SYTL2: variants seen among roughly 807,000 people sequenced by gnomAD.
The protein encoded by SYTL2 is synaptotagmin like 2.
SYTL2 carries 165 observed loss-of-function variants against 198.7 expected under a neutral mutation model. That is an observed-to-expected ratio of 0.83 (90% CI 0.73 to 0.94). SYTL2 has a LOEUF of 0.94. SYTL2 is among the 40% of genes least tolerant of loss of function. The pLI, the probability that SYTL2 is intolerant of heterozygous loss-of-function variation, is 0.00. For synonymous variants in SYTL2, 966 were observed against 917.7 expected, an observed-to-expected ratio of 1.05 and a Z score of -0.95; for missense variants, 2,835 against 2,582.8, an observed-to-expected ratio of 1.10 and a Z score of -2.12.
chr11:85,706,374 C>T (rs2085146891), intron 15 of SYTL2, among the ~76,000 whole-genome samples: 1 of 152,130 alleles, frequency 6.6e-6, no homozygotes, highest in African/African-American at 2.4e-5. Context: ...ATGGAACTTA[C>T]AATTTAGTGG....
intron 1 of SYTL2, among the ~76,000 whole-genome samples, chr11:85,762,917 T>C (rs1226797773): frequency 6.6e-6 from 1 of 151,898 alleles, no homozygotes; most frequent in Non-Finnish European, 1.5e-5. Flanking sequence ...CTCTTGCCAC[T>C]GTCTTGCATC....
rs2089203540 is a variant in SYTL2 at position 85,726,549 on chromosome 11, C to A, written c.2809G>T (p.Val937Phe). The A allele has an allele frequency of 6.3e-7, 1 of 1,598,720 alleles. No individual in the cohort carries two copies. The highest frequency in any genetic ancestry group is 1.3e-5 in the African/African-American group (1 of 74,876). ...AATGGAGCATGTCGTTCACTCCCGA[C>A]ATTTGAGGGAGGTTGCAGTGCTGGT... ...TLPALQPPSN[V>F]GSERHAPLEK... is the part of the protein sequence containing the mutation. Residue 937 changes from valine (V) to phenylalanine (F), a missense_variant, in exon 8 of 20, where the codon GTC (valine) becomes TTC (phenylalanine). Val to Phe is a conservative substitution (Grantham distance 50). Coordinates refer to ENST00000359152, the MANE Select transcript of SYTL2 (RefSeq NM_206927.4).
At chr11:85,788,226 A>G (rs1362644327) in intron 1 of SYTL2, among the ~76,000 whole-genome samples, 1 of 152,184 alleles carries the variant, frequency 6.6e-6, no homozygotes, top group Admixed American at 6.5e-5. Context: ...GACTTTTTCT[A>G]AGGTAATAAT....
At chr11:85,759,722 T>C (rs563137907) in intron 1 of SYTL2, among the ~76,000 whole-genome samples, 55 of 152,272 alleles carry the variant, frequency 3.6e-4, no homozygotes, top group Non-Finnish European at 6.2e-4. Flanking sequence ...TCTAGCTCTC[T>C]GCATACTGTC....
chr11:85,734,608 T>A lies in SYTL2; in HGVS notation c.721A>T (p.Met241Leu). The change falls in exon 7 of 20, where the codon ATG becomes TTG. Residue 241 changes from methionine (M) to leucine (L), a missense_variant. Coordinates refer to ENST00000359152, the MANE Select transcript of SYTL2 (RefSeq NM_206927.4). Reference protein sequence around the residue: ...IKAPIPKARKMIYKSTDLNKD... With the variant: ...IKAPIPKARKLIYKSTDLNKD... ...TTTAAATCAGTTGATTTGTAGATCATCTTCCTGGCTTTGGGGATTGGAGCC... is the reference window on the plus strand; with the variant it reads ...TTTAAATCAGTTGATTTGTAGATCAACTTCCTGGCTTTGGGGATTGGAGCC... 6.2e-7 allele frequency: 1 copy of A among 1,614,210 alleles called. No homozygotes were observed. The highest frequency in any genetic ancestry group is 8.5e-7 in the Non-Finnish European group (1 of 1,180,022).
chr11:85,708,830 C>A (rs2085690043), intron 14 of SYTL2, among the ~76,000 whole-genome samples: 1 of 136,628 alleles, frequency 7.3e-6, no homozygotes. Context: ...TTTTGTGCTT[C>A]TCTGTGATTT....
At chr11:85,789,379 T>C (rs1592038419) in intron 1 of SYTL2, among the ~76,000 whole-genome samples, 2 of 66,284 alleles carry the variant, frequency 3.0e-5, no homozygotes, top group South Asian at 1.0e-3. Context: ...TATATATATG[T>C]ATATATATAT....
chr11:85,721,071 C>G lies in SYTL2; in HGVS notation c.5327-112G>C. On this transcript the variant is annotated intron_variant, in intron 8 of 19. Coordinates refer to ENST00000359152, the MANE Select transcript of SYTL2 (RefSeq NM_206927.4). ...AAAAGAGACATTATGCTATGAGTTT[C>G]TACTTTAAGAAGCACTTATTTCACA... The G allele has an allele frequency of 6.3e-6, 4 of 632,028 alleles. No homozygotes were observed. In the East Asian group the frequency reaches 1.1e-4, roughly 18 times the overall value. 39.2% of individuals were successfully genotyped at this position (632,028 alleles called of 1,614,324 possible).
chr11:85,784,177 A>G (rs1334434711), intron 1 of SYTL2, among the ~76,000 whole-genome samples: 1 of 152,196 alleles, frequency 6.6e-6, no homozygotes, highest in East Asian at 1.9e-4. Flanking sequence ...AGACCCTGAC[A>G]GAGGAGAAAA....
intron 4 of SYTL2, 26 bp from the exon 5 acceptor site, chr11:85,737,682 A>C (rs1364063940): frequency 6.3e-7 from 1 of 1,585,530 alleles, no homozygotes; most frequent in Non-Finnish European, 8.7e-7. Context: ...TAATTCAGAG[A>C]ATAAAACCTC....
chr11:85,738,087 A>G (rs2090497667), intron 4 of SYTL2, among the ~76,000 whole-genome samples: 1 of 152,076 alleles, frequency 6.6e-6, no homozygotes, highest in Admixed American at 6.6e-5. Context: ...GAGCTTGGAA[A>G]ACACCTTAGT....
At chr11:85,774,872 T>A (rs2092424178) in intron 1 of SYTL2, among the ~76,000 whole-genome samples, 1 of 152,182 alleles carries the variant, frequency 6.6e-6, no homozygotes, top group South Asian at 2.1e-4. Context: ...CAGTTGAAGA[T>A]CTGGGTTCTG....
the SYTL2 span, among the ~76,000 whole-genome samples, chr11:85,850,920 G>GC: frequency 6.8e-6 from 1 of 147,462 alleles, no homozygotes; most frequent in Non-Finnish European, 1.5e-5. Flanking sequence ...GTAAACTATC[G>GC]CAAGAACAAA....
At chr11:85,750,510 C>T (rs1198441447) in intron 2 of SYTL2, among the ~76,000 whole-genome samples, 1 of 152,150 alleles carries the variant, frequency 6.6e-6, no homozygotes, top group African/African-American at 2.4e-5. Context: ...CACTTCAGTC[C>T]TTACTATATC....
chr11:85,711,013 G>T (rs943270976), intron 13 of SYTL2, 100 bp downstream of exon 13: 5 of 1,314,598 alleles, frequency 3.8e-6, no homozygotes, highest in South Asian at 1.5e-5. Context: ...TTTGTGCCCT[G>T]AGAAATACAG....
intron 11 of SYTL2, chr11:85,716,956 AT>A (rs910229897): frequency 2.6e-5 from 4 of 152,430 alleles, no homozygotes; most frequent in African/African-American, 9.7e-5. Context: ...TACTTAGAAC[AT>A]TTACCATTCA....
intron 1 of SYTL2, among the ~76,000 whole-genome samples, chr11:85,773,853 G>A (rs191205626): frequency 6.6e-6 from 1 of 152,238 alleles, no homozygotes; most frequent in Admixed American, 6.5e-5. Context: ...TCTTTGCAGA[G>A]CTGAAAAATA....
chr11:85,813,992 G>A (rs759122740), upstream of SYTL2, among the ~76,000 whole-genome samples: 13 of 152,196 alleles, frequency 8.5e-5, no homozygotes, highest in East Asian at 1.9e-4. Flanking sequence ...ACGGGCGTGA[G>A]CCACTGCACC....
rs2088945382 is a variant in SYTL2 at position 85,725,112 on chromosome 11, C to T, written c.4246G>A (p.Val1416Met). 1 of 1,614,030 alleles carries T rather than the reference C, an allele frequency of 6.2e-7. No homozygotes were observed. The highest frequency in any genetic ancestry group is 8.5e-7 in the Non-Finnish European group (1 of 1,179,990). Residue 1416 changes from valine (V) to methionine (M), a missense_variant, in exon 8 of 20, where the codon GTG becomes ATG. Val to Met is a conservative substitution (Grantham distance 21). Around this residue, in one of 3 missense-constraint regions of SYTL2, gnomAD observed 2,645 missense variants for 2,381.7 expected, o/e 1.11. Coordinates refer to ENST00000359152, the MANE Select transcript of SYTL2 (RefSeq NM_206927.4). Reference sequence around the variant, plus strand: ...TCCATCGTAGCCCATGGTGATATCACTCCTGGAGGATTTAGGGGGCTACAT... The same window carrying T: ...TCCATCGTAGCCCATGGTGATATCATTCCTGGAGGATTTAGGGGGCTACAT... Reference protein sequence around the residue: ...PVCSPLNPPGVISPWATMDTI... With the variant: ...PVCSPLNPPGMISPWATMDTI...
Sources: gnomAD v4.1 joint callset for allele counts (sites outside exome capture counted in the v4.1 genomes callset) on GRCh38, gnomAD v4.1.1 for gene constraint, gnomAD v4.1.1 regional missense constraint, MANE v1.5 for transcripts, NCBI Gene and HGNC (gene_info 2026-07-23, HGNC 2026-07-21) for gene names.